RANBP2: variants seen among roughly 807,000 people sequenced by gnomAD.
The protein encoded by RANBP2 is E3 SUMO-protein ligase RanBP2.
A neutral mutation model predicts 303.6 loss-of-function variants in RANBP2; 57 were observed. The observed-to-expected ratio is 0.19, with a 90% CI of 0.15 to 0.23. The LOEUF is 0.23. Among genes scored for constraint, RANBP2 ranks in the 10% least tolerant of loss-of-function variants. The pLI, the probability that RANBP2 is intolerant of heterozygous loss-of-function variation, is 1.00. For missense variants in RANBP2, 3,138 were observed against 3,780.8 expected (o/e 0.83, Z 4.46); for synonymous variants, 1,167 against 1,301.5 (o/e 0.90, Z 2.23).
the RANBP2 span, among the ~76,000 whole-genome samples, chr2:109,625,339 G>A: frequency 6.6e-6 from 1 of 151,984 alleles, no homozygotes; most frequent in South Asian, 2.1e-4. Context: ...GTCATACAAT[G>A]ACATGTATAA....
chr2:109,130,978 A>G, the RANBP2 span, among the ~76,000 whole-genome samples: 1 of 152,218 alleles, frequency 6.6e-6, no homozygotes, highest in East Asian at 1.9e-4. Context: ...GGGTTTTGTT[A>G]ATTTCTTTAA....
the RANBP2 span, among the ~76,000 whole-genome samples, chr2:108,968,182 C>G: frequency 1.3e-5 from 2 of 152,128 alleles, no homozygotes; most frequent in Non-Finnish European, 2.9e-5. Context: ...TGTCTCTTCT[C>G]AAAGTGGGGT....
At chr2:109,028,937 A>G in the RANBP2 span, among the ~76,000 whole-genome samples, 6 of 149,854 alleles carry the variant, frequency 4.0e-5, no homozygotes, top group East Asian at 4.1e-4. Context: ...TTATTTATTT[A>G]TTTGTTTGTT....
At chr2:109,226,538 G>A in the RANBP2 span, among the ~76,000 whole-genome samples, 4 of 152,292 alleles carry the variant, frequency 2.6e-5, no homozygotes, top group East Asian at 7.7e-4. Context: ...TCCCTTTAAA[G>A]TTTAGATTTT....
the RANBP2 span, among the ~76,000 whole-genome samples, chr2:109,575,988 G>A: frequency 6.6e-6 from 1 of 152,126 alleles, no homozygotes; most frequent in Non-Finnish European, 1.5e-5. Flanking sequence ...CAGGCTCAGT[G>A]GCTCACATCT....
the RANBP2 span, chr2:108,846,635 CT>C: frequency 1.1e-6 from 1 of 939,538 alleles, no homozygotes; most frequent in Non-Finnish European, 1.6e-6. Context: ...CATGATTGCG[CT>C]ACTGCATTCC....
the RANBP2 span, among the ~76,000 whole-genome samples, chr2:108,934,442 G>T: frequency 1.3e-5 from 2 of 152,326 alleles, no homozygotes; most frequent in Admixed American, 6.5e-5. Context: ...CCTGACTGAC[G>T]TGGGGCTCCA....
chr2:109,366,958 T>C, the RANBP2 span, among the ~76,000 whole-genome samples: 1 of 152,156 alleles, frequency 6.6e-6, no homozygotes, highest in Non-Finnish European at 1.5e-5. Flanking sequence ...TTTGAATTTA[T>C]TTTATTTTAT....
At chr2:109,585,618 G>T in the RANBP2 span, 1 of 868,816 alleles carries the variant, frequency 1.2e-6, no homozygotes, top group Non-Finnish European at 1.9e-6. Context: ...CTGGGATCAT[G>T]ATTTCAAATT....
the RANBP2 span, among the ~76,000 whole-genome samples, chr2:109,132,410 C>G: frequency 6.6e-6 from 1 of 152,030 alleles, no homozygotes; most frequent in African/African-American, 2.4e-5. Flanking sequence ...AACTCTTTAC[C>G]TGTTGTTTTT....
At chr2:109,453,601 G>A in the RANBP2 span, among the ~76,000 whole-genome samples, 4 of 152,156 alleles carry the variant, frequency 2.6e-5, no homozygotes, top group African/African-American at 7.2e-5. Flanking sequence ...TCTCTTACTT[G>A]TGCCCCAATC....
At chr2:108,816,193 A>G in the RANBP2 span, 5 of 967,632 alleles carry the variant, frequency 5.2e-6, no homozygotes, top group Admixed American at 2.4e-5. Flanking sequence ...GCTCACGTCT[A>G]TAATCCCATC....
the RANBP2 span, among the ~76,000 whole-genome samples, chr2:109,172,987 G>T: frequency 6.6e-6 from 1 of 152,236 alleles, no homozygotes; most frequent in African/African-American, 2.4e-5. Flanking sequence ...CCTTGCGCTT[G>T]TCTTCACGCA....
At chr2:109,199,175 C>T in the RANBP2 span, among the ~76,000 whole-genome samples, 1 of 151,746 alleles carries the variant, frequency 6.6e-6, no homozygotes, top group Non-Finnish European at 1.5e-5. Context: ...CTGGCTAACA[C>T]GGTGAAACCC....
At chr2:109,492,509 C>T in the RANBP2 span, among the ~76,000 whole-genome samples, 10 of 152,150 alleles carry the variant, frequency 6.6e-5, no homozygotes, top group African/African-American at 9.7e-5. Context: ...GCATGGATTC[C>T]GGCTACGCAT....
the RANBP2 span, among the ~76,000 whole-genome samples, chr2:109,071,673 C>CAAA: frequency 7.6e-4 from 111 of 147,006 alleles, no homozygotes; most frequent in African/African-American, 2.7e-3. Flanking sequence ...GACTCTATCT[C>CAAA]AAAAAAAAAA....
chr2:109,386,949 CTTT>C, the RANBP2 span, among the ~76,000 whole-genome samples: 1 of 152,126 alleles, frequency 6.6e-6, no homozygotes, highest in Non-Finnish European at 1.5e-5. Flanking sequence ...GCCTAATCTG[CTTT>C]TTTGTTTCTA....
the RANBP2 span, among the ~76,000 whole-genome samples, chr2:108,901,694 ATAACT>A: frequency 6.6e-6 from 1 of 152,234 alleles, no homozygotes; most frequent in Non-Finnish European, 1.5e-5. Flanking sequence ...TATAAATTTG[ATAACT>A]TAGATGAAAA....
the RANBP2 span, among the ~76,000 whole-genome samples, chr2:109,273,337 G>T: frequency 2.0e-5 from 3 of 152,330 alleles, no homozygotes; most frequent in South Asian, 6.2e-4. Flanking sequence ...TGGAAGGAGT[G>T]CTTCCCTTGG....
Sources: gnomAD v4.1 joint callset for allele counts (sites outside exome capture counted in the v4.1 genomes callset) on GRCh38, gnomAD v4.1.1 for gene constraint, MANE v1.5 for transcripts, NCBI Gene and HGNC (gene_info 2026-07-23, HGNC 2026-07-21) for gene names.